GSDME: variants seen among roughly 807,000 people sequenced by gnomAD.
GSDME encodes gasdermin-E.
GSDME carries 44 observed loss-of-function variants against 47.5 expected under a neutral mutation model. That is an observed-to-expected ratio of 0.93 (90% CI 0.73 to 1.19). The LOEUF (loss-of-function observed/expected upper bound fraction) is 1.19. Ranked by LOEUF, GSDME falls within the 50% of genes most tolerant of loss-of-function variation. The pLI is 0.00. For missense variants in GSDME, 663 were observed against 604.2 expected, an observed-to-expected ratio of 1.10 and a Z score of -1.02; for synonymous variants, 258 against 252.8, an observed-to-expected ratio of 1.02 and a Z score of -0.20.
rs534923623 is a variant in GSDME at position 24,724,941 on chromosome 7, T to A, written c.405-5723A>T. 1.3e-5 allele frequency among the ~76,000 whole-genome samples: 2 copies of A among 152,222 alleles called. No individual in the cohort carries two copies. Among genetic ancestry groups the A allele is most frequent in the African/African-American group, 2.4e-5 (1 of 41,538 alleles). On this transcript the variant is annotated intron_variant, in intron 3 of 9. Transcript: ENST00000645220. This position sits in a 1 kb window ranked among gnomAD's most constrained non-coding sequence, Gnocchi z 4.8. The stretch of plus-strand genomic sequence containing the variant: ...GAGTGTGGTACCTTCCCCCTCACTC[T>A]CTCTTGTTCCTCTTTCTTGCTCCTG...
Position 24,705,418 on chromosome 7 carries a change from G to T in GSDME, c.1183+766C>A, listed in dbSNP as rs912790092. On this transcript the variant is annotated intron_variant, in intron 8 of 9. Transcript: ENST00000645220. The surrounding 1 kb of genome is among the most constrained non-coding windows in gnomAD (Gnocchi z 4.1). ...AGATTACTGGGTCTGTTTCTGTGTG[G>T]TGCTAGGGAGGAACCCTGAATGTAT... The T allele has an allele frequency of 2.0e-5, 3 of 153,108 alleles. No homozygotes were observed. Among genetic ancestry groups the T allele is most frequent in the African/African-American group, 7.2e-5 (3 of 41,460 alleles). The allele number at this position is 153,108 out of a possible 1,614,324, so 9.5% of individuals were successfully genotyped here.
chr7:24,708,901 GGTTTTTTT>G (rs1177467995), intron 6 of GSDME, among the ~76,000 whole-genome samples: 1 of 151,766 alleles, frequency 6.6e-6, no homozygotes, highest in African/African-American at 2.4e-5. Context: ...TTTGTTTTTT[GGTTTTTTT>G]GTTTGTTTGT....
rs141094293 is a variant in GSDME at position 24,750,220 on chromosome 7, A to G, written c.-19-427T>C. Reference sequence around the variant, plus strand: ...AAGGTCTCACACCAGCAATTAAATGATCTGGCCCCAAAGTGACACAAGGCA... The same window carrying G: ...AAGGTCTCACACCAGCAATTAAATGGTCTGGCCCCAAAGTGACACAAGGCA... On this transcript the variant is annotated intron_variant, in intron 1 of 9. Transcript: ENST00000645220. Among the ~76,000 whole-genome samples the G allele has an allele frequency of 1.1e-4, 17 of 152,338 alleles. 1 individual carries two copies. The East Asian group carries it at 3.3e-3, about 29-fold the overall frequency.
rs1421744521 is a variant in GSDME, at chr7:24,724,951, C to T, written c.405-5733G>A. Among the ~76,000 whole-genome samples the T allele has an allele frequency of 6.6e-6, 1 of 152,100 alleles. No homozygotes were observed. Among genetic ancestry groups the T allele is most frequent in the Non-Finnish European group, 1.5e-5 (1 of 68,016 alleles). On this transcript the variant is annotated intron_variant, in intron 3 of 9. Coordinates refer to ENST00000645220, the MANE Select transcript of GSDME (RefSeq NM_001127453.2). The surrounding 1 kb of genome is among the most constrained non-coding windows in gnomAD (Gnocchi z 4.8). ...CCTTCCCCCTCACTCTCTCTTGTTC[C>T]TCTTTCTTGCTCCTGTTCTTGCCAT...
intron 6 of GSDME, among the ~76,000 whole-genome samples, 178 bp from the exon 7 acceptor site, chr7:24,708,432 T>C (rs942461378): frequency 6.6e-6 from 1 of 152,172 alleles, no homozygotes; most frequent in African/African-American, 2.4e-5. Context: ...CTGCATATTT[T>C]TCAATAACCA....
At chr7:24,718,896 A>T (rs1358253520) in intron 4 of GSDME, 151 bp downstream of exon 4, 2 of 858,164 alleles carry the variant, frequency 2.3e-6, no homozygotes, top group East Asian at 5.2e-5. Context: ...GAGCCAATAC[A>T]CTCTTGCTCA....
intron 5 of GSDME, chr7:24,715,451 T>G (rs570372808): frequency 2.1e-6 from 1 of 470,938 alleles, no homozygotes; most frequent in South Asian, 1.5e-5. Context: ...AATCATCACT[T>G]GTACATCTTG....
intron 2 of GSDME, among the ~76,000 whole-genome samples, chr7:24,747,720 T>C (rs768608807): frequency 2.6e-5 from 4 of 152,170 alleles, no homozygotes; most frequent in Non-Finnish European, 5.9e-5. Flanking sequence ...CAGGCTGGAA[T>C]GCAGTGGCAC....
At chr7:24,789,859 A>G in the GSDME span, among the ~76,000 whole-genome samples, 1 of 152,218 alleles carries the variant, frequency 6.6e-6, no homozygotes, top group Non-Finnish European at 1.5e-5. Flanking sequence ...CTTGTGCTGA[A>G]GCATTTTGGT....
chr7:24,756,978 T>C lies in GSDME; in HGVS notation c.-20+418A>G, dbSNP rs1340456493. ...CACACGCCCCCGAGCCGGGAGAGCCTCCGCAGCACCCAGAGAAGAGACCGG... is the reference window on the plus strand; with the variant it reads ...CACACGCCCCCGAGCCGGGAGAGCCCCCGCAGCACCCAGAGAAGAGACCGG... On this transcript the variant is annotated intron_variant, in intron 1 of 9. Transcript: ENST00000645220. The surrounding 1 kb of genome is among the most constrained non-coding windows in gnomAD (Gnocchi z 4.2). 2.0e-5 allele frequency among the ~76,000 whole-genome samples: 3 copies of C among 147,320 alleles called. No homozygotes were observed. The highest frequency in any genetic ancestry group is 3.0e-5 in the Non-Finnish European group (2 of 66,842).
chr7:24,717,334 T>C lies in GSDME; in HGVS notation c.617A>G (p.Asn206Ser), dbSNP rs768507916. 6.2e-7 allele frequency: 1 copy of C among 1,611,548 alleles called. No individual in the cohort carries two copies. The highest frequency in any genetic ancestry group is 8.5e-7 in the Non-Finnish European group (1 of 1,179,090). ...GGCAGCTGGGATCTCCAGCACCACG[T>C]TGGAGTCCTTGGTGACATTCCCATC... ...TEDGNVTKDSNVVLEIPAATT... is the reference protein window; with the variant it reads ...TEDGNVTKDSSVVLEIPAATT... The change falls in exon 5 of 10, where the codon AAC becomes AGC. Residue 206 changes from asparagine to serine, a missense_variant. Transcript: ENST00000645220.
At chr7:24,794,733 G>T in the GSDME span, among the ~76,000 whole-genome samples, 7 of 152,138 alleles carry the variant, frequency 4.6e-5, no homozygotes, top group South Asian at 1.5e-3. Flanking sequence ...AGTTCCTAAT[G>T]GGGTAGGCTT....
intron 3 of GSDME, among the ~76,000 whole-genome samples, chr7:24,734,645 T>C (rs897418924): frequency 2.0e-4 from 30 of 152,292 alleles, no homozygotes; most frequent in African/African-American, 7.0e-4. Context: ...AAAAACACAA[T>C]TGACATACTG....
chr7:24,734,938 G>A (rs750622193), intron 3 of GSDME, among the ~76,000 whole-genome samples: 44 of 152,178 alleles, frequency 2.9e-4, no homozygotes, highest in Non-Finnish European at 5.3e-4. Context: ...CAATACCTAA[G>A]TACCAGAAGG....
intron 9 of GSDME, chr7:24,702,513 C>G (rs988628744): frequency 7.1e-6 from 3 of 424,360 alleles, no homozygotes; most frequent in South Asian, 4.0e-5. Flanking sequence ...GAGTTGGAGT[C>G]GAAAGACAAG....
At chr7:24,775,576 C>G in the GSDME span, among the ~76,000 whole-genome samples, 1 of 152,064 alleles carries the variant, frequency 6.6e-6, no homozygotes, top group Non-Finnish European at 1.5e-5. Flanking sequence ...CTCTCAGAAT[C>G]TCTGCTAAGG....
At chr7:24,702,109 C>T (rs1378699215) in intron 9 of GSDME, among the ~76,000 whole-genome samples, 1 of 152,322 alleles carries the variant, frequency 6.6e-6, no homozygotes, top group Middle Eastern at 3.4e-3. Flanking sequence ...GCAACATCTG[C>T]AAAAGCTACA....
At chr7:24,708,066 C>G in intron 7 of GSDME, 61 bp downstream of exon 7, 2 of 1,606,382 alleles carry the variant, frequency 1.2e-6, no homozygotes, top group Non-Finnish European at 1.7e-6. Context: ...TCCATCCTGC[C>G]TCCTCCCCTG....
chr7:24,708,153 C>G lies in GSDME; in HGVS notation c.964G>C (p.Glu322Gln), dbSNP rs1253984647. The G allele has an allele frequency of 1.2e-6, 2 of 1,613,954 alleles. No homozygotes were observed. The highest frequency in any genetic ancestry group is 8.5e-7 in the Non-Finnish European group (1 of 1,180,020). Residue 322 changes from glutamate (E) to glutamine (Q), a missense_variant, in exon 7 of 10, where the codon GAA becomes CAA. Transcript: ENST00000645220. ...DIFQAVLFDDELLMVLEPVCD... is the reference protein window; with the variant it reads ...DIFQAVLFDDQLLMVLEPVCD... ...ACTGGTTCCAGGACCATGAGTAGTT[C>G]ATCATCAAATAGGACCGCCTGGAAG...
Sources: allele counts gnomAD v4.1 joint callset (sites outside exome capture counted in the v4.1 genomes callset), GRCh38; gene constraint gnomAD v4.1.1; non-coding constraint Gnocchi (gnomAD v3.1); transcripts MANE v1.5; gene names NCBI Gene and HGNC (gene_info 2026-07-23, HGNC 2026-07-21).